The following CMTR1 variants were observed in gnomAD, a reference collection of about 807,000 sequenced individuals.
The protein encoded by CMTR1 is cap-specific mRNA (nucleoside-2'-O-)-methyltransferase 1.
A neutral mutation model predicts 107.0 loss-of-function variants in CMTR1; 39 were observed. That is an observed-to-expected ratio of 0.36 (90% CI 0.28 to 0.48). CMTR1 has a LOEUF of 0.48. Ranked by LOEUF, CMTR1 falls within the 20% of genes least tolerant of loss-of-function variation. CMTR1 has a pLI of 0.99. For synonymous variants in CMTR1, 366 were observed against 379.5 expected (o/e 0.96, Z 0.41); for missense variants, 672 against 1,064.9 (o/e 0.63, Z 5.14).
chr6:37,467,168 A>G (rs776444915), intron 13 of CMTR1, among the ~76,000 whole-genome samples: 2 of 152,188 alleles, frequency 1.3e-5, no homozygotes, highest in African/African-American at 4.8e-5. Flanking sequence ...CCGTGTCTCA[A>G]AAAAAAGGAT....
At chr6:37,428,226 C>T (rs1259897888), upstream of CMTR1, among the ~76,000 whole-genome samples, 2 of 152,208 alleles carry the variant, frequency 1.3e-5, no homozygotes, top group East Asian at 3.8e-4. Flanking sequence ...TTATCCTTCA[C>T]TACAAGGATC....
intron 16 of CMTR1, among the ~76,000 whole-genome samples, chr6:37,473,102 G>T (rs1393599471): frequency 6.6e-6 from 1 of 152,156 alleles, no homozygotes; most frequent in Non-Finnish European, 1.5e-5. Context: ...TCTAAATGGG[G>T]TAAAGAGATC....
rs1401532247 is a variant in CMTR1 at position 37,451,669 on chromosome 6, C to G, written c.538-137C>G. ...GGGATTTAGGATTTTCTCTTTCCCACCCTTCAGGGATTGATGTTTCTTGGC... is the reference window on the plus strand; with the variant it reads ...GGGATTTAGGATTTTCTCTTTCCCAGCCTTCAGGGATTGATGTTTCTTGGC... On this transcript the variant is annotated intron_variant, in intron 5 of 23. Coordinates refer to ENST00000373451, the MANE Select transcript of CMTR1 (RefSeq NM_015050.3). 24 of 632,778 alleles carry G rather than the reference C, an allele frequency of 3.8e-5. No individual in the cohort carries two copies. The East Asian group carries it at 6.6e-4, about 17-fold the overall frequency. 39.2% of individuals were successfully genotyped at this position (632,778 alleles called of 1,614,324 possible).
intron 3 of CMTR1, among the ~76,000 whole-genome samples, chr6:37,444,940 C>T (rs1035099254): frequency 1.3e-5 from 2 of 152,124 alleles, no homozygotes; most frequent in Non-Finnish European, 2.9e-5. Flanking sequence ...TCAGGAGAAT[C>T]GCTTGAACCT....
At chr6:37,432,490 G>C (rs933859833), upstream of CMTR1, among the ~76,000 whole-genome samples, 1 of 152,166 alleles carries the variant, frequency 6.6e-6, no homozygotes, top group Non-Finnish European at 1.5e-5. Flanking sequence ...AATGGGGATG[G>C]GGGTGAATGG....
intron 22 of CMTR1, among the ~76,000 whole-genome samples, chr6:37,478,914 C>A (rs868681898): frequency 6.6e-6 from 1 of 152,186 alleles, no homozygotes; most frequent in African/African-American, 2.4e-5. Context: ...AGATGTTACC[C>A]TGATGGAGGG....
At chr6:37,427,540 A>G in the CMTR1 span, among the ~76,000 whole-genome samples, 3 of 152,206 alleles carry the variant, frequency 2.0e-5, no homozygotes, top group Non-Finnish European at 4.4e-5. This position sits in a 1 kb window ranked among gnomAD's most constrained non-coding sequence, Gnocchi z 4.4. Context: ...CATATGTGTT[A>G]CATTTACACA....
At chr6:37,454,091 A>AT (rs1351533079) in intron 8 of CMTR1, among the ~76,000 whole-genome samples, 2 of 152,238 alleles carry the variant, frequency 1.3e-5, no homozygotes, top group Non-Finnish European at 2.9e-5. Context: ...AAAGAAAAAA[A>AT]GGAAATTTCA....
chr6:37,446,449 G>T lies in CMTR1; in HGVS notation c.444G>T (p.Glu148Asp), dbSNP rs776909879. 1.2e-6 allele frequency: 2 copies of T among 1,612,056 alleles called. No individual in the cohort carries two copies. Among genetic ancestry groups the T allele is most frequent in the South Asian group, 2.2e-5 (2 of 90,966 alleles). ...ACGTGGACTGGCGAGATGAGCCAGAGGTAAGTGTTAAAGTGAGGAGGAGAT... is the reference window on the plus strand; with the variant it reads ...ACGTGGACTGGCGAGATGAGCCAGATGTAAGTGTTAAAGTGAGGAGGAGAT... The part of the protein sequence containing the change: ...ELNVDWRDEP[E>D]PSACEQVSWF... The change falls in exon 4 of 24, where the codon GAG (glutamate) becomes GAT (aspartate). Residue 148 changes from glutamate to aspartate, a missense_variant and splice_region_variant. Physicochemically the swap from Glu to Asp is conservative, Grantham distance 45. This residue lies in a region of CMTR1 where 583 missense variants were observed against 968.4 expected (regional missense o/e 0.60). Transcript: ENST00000373451.
Position 37,480,811 on chromosome 6 carries a change from A to T in CMTR1, c.*666A>T. On this transcript the variant is annotated 3_prime_UTR_variant, in exon 24 of 24. Transcript: ENST00000373451. ...TGGGCAAACTCTCATCCCTGATACCACATTGAGATCCTGGGAGCCCTCTTT... is the reference window on the plus strand; with the variant it reads ...TGGGCAAACTCTCATCCCTGATACCTCATTGAGATCCTGGGAGCCCTCTTT... 8.9e-7 allele frequency: 1 copy of T among 1,127,306 alleles called. No individual in the cohort carries two copies. Among genetic ancestry groups the T allele is most frequent in the Non-Finnish European group, 1.1e-6 (1 of 911,942 alleles). The allele number at this position is 1,127,306 out of a possible 1,614,324, so 69.8% of individuals were successfully genotyped here.
In CMTR1 at chr6:37,468,052, T is replaced by C. The variant is rs533168815; in HGVS notation, c.1506-2969T>C. Reference sequence around the variant, plus strand: ...CTCTCTTCCTTTCTTCCCTCTGTTTTGTGGGGGGGGGGACTAATTCAGTAT... The same window carrying C: ...CTCTCTTCCTTTCTTCCCTCTGTTTCGTGGGGGGGGGGACTAATTCAGTAT... On this transcript the variant is annotated intron_variant, in intron 13 of 23. Coordinates refer to ENST00000373451, the MANE Select transcript of CMTR1 (RefSeq NM_015050.3). Among the ~76,000 whole-genome samples the C allele has an allele frequency of 3.1e-4, 41 of 133,582 alleles. No individual in the cohort carries two copies. In the East Asian group the frequency reaches 0.014, roughly 45 times the overall value. 87.6% of individuals were successfully genotyped at this position (133,582 alleles called of 152,430 possible).
Position 37,481,117 on chromosome 6 carries a change from A to G in CMTR1, c.*972A>G. 1 of 1,303,440 alleles carries G rather than the reference A, an allele frequency of 7.7e-7. No homozygotes were observed. Among genetic ancestry groups the G allele is most frequent in the African/African-American group, 1.5e-5 (1 of 65,656 alleles). 80.7% of individuals were successfully genotyped at this position (1,303,440 alleles called of 1,614,324 possible). A position where few individuals can be genotyped will look rare whatever the true frequency, so the allele number is the denominator to read the frequency against. Reference sequence around the variant, plus strand: ...CCTTTCCCTTCCTTTTTCTTCCCTAATAGGAGGTACAATCTGCTTTTGTTT... The same window carrying G: ...CCTTTCCCTTCCTTTTTCTTCCCTAGTAGGAGGTACAATCTGCTTTTGTTT... On this transcript the variant is annotated 3_prime_UTR_variant, in exon 24 of 24. Transcript: ENST00000373451.
upstream of CMTR1, chr6:37,433,122 G>C (rs572365730): frequency 1.3e-5 from 2 of 152,492 alleles, no homozygotes; most frequent in African/African-American, 4.8e-5. Flanking sequence ...TTGAGAGGTG[G>C]AGCGGGCCAA....
upstream of CMTR1, among the ~76,000 whole-genome samples, chr6:37,429,891 T>G (rs945383384): frequency 6.6e-6 from 1 of 151,882 alleles, no homozygotes; most frequent in Non-Finnish European, 1.5e-5. Context: ...TGAGCTGAGA[T>G]TGTGCCACTG....
rs150476436 is a variant in CMTR1 at position 37,469,388 on chromosome 6, C to G, written c.1506-1633C>G. ...TATCTGTTATTTTTAATATCTCAAT[C>G]TTGATATATTTATATGTGGTTTTCT... On this transcript the variant is annotated intron_variant, in intron 13 of 23. Coordinates refer to ENST00000373451, the MANE Select transcript of CMTR1 (RefSeq NM_015050.3). Among the ~76,000 whole-genome samples, 580 of 151,786 alleles carry G rather than the reference C, an allele frequency of 3.8e-3. 2 individuals are homozygous for G. Among genetic ancestry groups the G allele is most frequent in the Non-Finnish European group, 6.1e-3 (413 of 67,960 alleles).
At position 37,458,062 on chromosome 6, in the gene CMTR1, T is replaced by A. The variant is rs1016018203; in HGVS notation, c.778-550T>A. Among the ~76,000 whole-genome samples the A allele has an allele frequency of 3.3e-5, 5 of 152,100 alleles. No homozygotes were observed. Among genetic ancestry groups the A allele is most frequent in the Non-Finnish European group, 5.9e-5 (4 of 68,010 alleles). ...GTCAGATACCCATAAATGTTTTTTG[T>A]TGTTTTTGTTGAGACAGGGTCTCGG... On this transcript the variant is annotated intron_variant, in intron 8 of 23. Coordinates refer to ENST00000373451, the MANE Select transcript of CMTR1 (RefSeq NM_015050.3). The surrounding 1 kb of genome is among the most constrained non-coding windows in gnomAD (Gnocchi z 4.7).
chr6:37,467,412 A>G (rs1462957083), intron 13 of CMTR1, among the ~76,000 whole-genome samples: 1 of 152,200 alleles, frequency 6.6e-6, no homozygotes, highest in Non-Finnish European at 1.5e-5. Context: ...AGCTTATTTT[A>G]TGACCCATCA....
chr6:37,464,025 A>G lies in CMTR1; in HGVS notation c.1505+1017A>G, dbSNP rs576841030. Among the ~76,000 whole-genome samples, 6 of 152,362 alleles carry G rather than the reference A, an allele frequency of 3.9e-5. No individual in the cohort carries two copies. The East Asian group carries it at 5.8e-4, about 15-fold the overall frequency. On this transcript the variant is annotated intron_variant, in intron 13 of 23. Coordinates refer to ENST00000373451, the MANE Select transcript of CMTR1 (RefSeq NM_015050.3). ...ACTGGAATTCTTTTCAGGGGTTCCA[A>G]TAACACAGAGTGTTTAAGCAACTCT...
chr6:37,469,972 T>G (rs1761589596), intron 13 of CMTR1, among the ~76,000 whole-genome samples: 1 of 152,098 alleles, frequency 6.6e-6, no homozygotes, highest in Non-Finnish European at 1.5e-5. Context: ...GGGTTTCTGT[T>G]GACATGTCTG....
Sources: gnomAD v4.1 joint callset for allele counts (sites outside exome capture counted in the v4.1 genomes callset) on GRCh38, gnomAD v4.1.1 for gene constraint, gnomAD v4.1.1 regional missense constraint, Gnocchi (gnomAD v3.1) non-coding constraint, MANE v1.5 for transcripts, NCBI Gene and HGNC (gene_info 2026-07-23, HGNC 2026-07-21) for gene names.